The following PRKCA variants were observed in gnomAD, a reference collection of about 807,000 sequenced individuals.
PRKCA encodes protein kinase C alpha type.
A neutral mutation model predicts 87.0 loss-of-function variants in PRKCA; 27 were observed. That is an observed-to-expected ratio of 0.31 (90% CI 0.23 to 0.43). The LOEUF (loss-of-function observed/expected upper bound fraction) is 0.43, where lower values mean the gene tolerates loss of function less well. Ranked by LOEUF, PRKCA falls within the 20% of genes least tolerant of loss-of-function variation. The pLI, the probability that PRKCA is intolerant of heterozygous loss-of-function variation, is 1.00. For missense variants in PRKCA, 518 were observed against 852.3 expected (o/e 0.61, Z 4.88); for synonymous variants, 329 against 311.1 (o/e 1.06, Z -0.61).
chr17:66,413,811 C>T (rs1911958979), intron 2 of PRKCA, among the ~76,000 whole-genome samples: 1 of 151,992 alleles, frequency 6.6e-6, no homozygotes. Context: ...GTCAGGAGTT[C>T]GAGGTCAGCC....
chr17:66,482,098 C>CAAAAA (rs58719328), intron 2 of PRKCA, among the ~76,000 whole-genome samples: 3 of 89,330 alleles, frequency 3.4e-5, no homozygotes, highest in African/African-American at 4.6e-5. Flanking sequence ...AAGACTGTCT[C>CAAAAA]AAAAAAAAAA....
chr17:66,621,983 C>T (rs555281611), intron 3 of PRKCA, among the ~76,000 whole-genome samples: 5 of 152,242 alleles, frequency 3.3e-5, no homozygotes, highest in Non-Finnish European at 7.4e-5. Flanking sequence ...GGGAGGATTG[C>T]TTGAGGCCAG....
intron 3 of PRKCA, among the ~76,000 whole-genome samples, chr17:66,595,907 GACTGCAAAGGCGT>G (rs879379675): frequency 2.6e-5 from 4 of 152,178 alleles, no homozygotes; most frequent in Non-Finnish European, 4.4e-5. Flanking sequence ...ATGTTGTGTT[GACTGCAAAGGCGT>G]ACGGCATCAA....
chr17:66,700,850 T>A (rs759506333), intron 8 of PRKCA, among the ~76,000 whole-genome samples: 1 of 152,178 alleles, frequency 6.6e-6, no homozygotes, highest in Non-Finnish European at 1.5e-5. Context: ...GAATTAATAT[T>A]GTCAAAATGT....
rs1976099849 is a variant in PRKCA at position 66,808,717 on chromosome 17, T to G, written c.*4680T>G. The G allele has an allele frequency of 1.3e-5, 2 of 152,304 alleles. No individual in the cohort carries two copies. Among genetic ancestry groups the G allele is most frequent in the East Asian group, 1.9e-4 (1 of 5,170 alleles). The allele number at this position is 152,304 out of a possible 1,614,324, so 9.4% of individuals were successfully genotyped here. On this transcript the variant is annotated 3_prime_UTR_variant, in exon 17 of 17. Transcript: ENST00000413366. ...TGTTGCGAAATTTTTATTTATTTAT[T>G]TATTTATTTTGAGATGGAGTTTCAC...
chr17:66,777,507 A>G (rs897157696), intron 14 of PRKCA: 1 of 978,946 alleles, frequency 1.0e-6, no homozygotes, highest in Non-Finnish European at 1.2e-6. Flanking sequence ...GTACACAGTC[A>G]CCATCAGTGA....
Position 66,302,915 on chromosome 17 carries a change from C to T in PRKCA, c.64C>T (p.Arg22Cys). The T allele has an allele frequency of 6.2e-7, 1 of 1,612,484 alleles. No homozygotes were observed. The highest frequency in any genetic ancestry group is 8.5e-7 in the Non-Finnish European group (1 of 1,179,228). ...ASQDVANRFA[R>C]KGALRQKNVH... The stretch of plus-strand genomic sequence containing the variant: ...TCAGGACGTGGCCAACCGCTTCGCC[C>T]GCAAAGGGGCGCTGAGGCAGAAGAA... The change falls in exon 1 of 17, where the codon CGC (arginine) becomes TGC (cysteine). Residue 22 changes from arginine (R) to cysteine (C), a missense_variant. By Grantham distance (180) the Arg-to-Cys change is radical (BLOSUM62 -3). Transcript: ENST00000413366.
At chr17:66,635,821 A>C (rs1598833088) in intron 3 of PRKCA, among the ~76,000 whole-genome samples, 1 of 152,174 alleles carries the variant, frequency 6.6e-6, no homozygotes, top group Admixed American at 6.5e-5. Context: ...GTATTGTAGC[A>C]TTGTCCTGGG....
chr17:66,589,627 C>T (rs773841678), intron 3 of PRKCA, among the ~76,000 whole-genome samples: 5 of 152,082 alleles, frequency 3.3e-5, no homozygotes, highest in African/African-American at 1.2e-4. Context: ...CTGATCTCTG[C>T]GACTTTTGTT....
intron 3 of PRKCA, among the ~76,000 whole-genome samples, chr17:66,613,815 T>G (rs1970442943): frequency 9.1e-6 from 1 of 109,790 alleles, no homozygotes; most frequent in Non-Finnish European, 1.7e-5. Context: ...TGAGACAGAG[T>G]CTTGCTCTGT....
chr17:66,777,054 G>T, intron 14 of PRKCA: 1 of 203,130 alleles, frequency 4.9e-6, no homozygotes, highest in Non-Finnish European at 8.7e-6. Flanking sequence ...TCCCTTTATT[G>T]GGAGACTGCC....
intron 3 of PRKCA, among the ~76,000 whole-genome samples, chr17:66,526,942 G>T (rs57425087): frequency 0.25 from 38,649 of 151,990 alleles, 6,087 homozygotes; most frequent in African/African-American, 0.43. Flanking sequence ...TATACCAGGG[G>T]TTGCAAACTA....
At chr17:66,380,244 G>T (rs1215105376) in intron 2 of PRKCA, among the ~76,000 whole-genome samples, 1 of 151,448 alleles carries the variant, frequency 6.6e-6, no homozygotes, top group African/African-American at 2.4e-5. Context: ...TCAACCTTAT[G>T]AGAAACACTT....
At chr17:66,390,972 C>T (rs1056873493) in intron 2 of PRKCA, among the ~76,000 whole-genome samples, 6 of 151,226 alleles carry the variant, frequency 4.0e-5, no homozygotes, top group Non-Finnish European at 8.8e-5. Flanking sequence ...GAAATCAGAC[C>T]CTCCTGAAGA....
chr17:66,446,877 G>T (rs1450437043), intron 2 of PRKCA, among the ~76,000 whole-genome samples: 3 of 152,132 alleles, frequency 2.0e-5, no homozygotes, highest in Non-Finnish European at 4.4e-5. Context: ...TGTGTTGGAG[G>T]GGTCAGGGCA....
chr17:66,530,217 C>T (rs1967492737), intron 3 of PRKCA, among the ~76,000 whole-genome samples: 1 of 152,138 alleles, frequency 6.6e-6, no homozygotes, highest in African/African-American at 2.4e-5. Flanking sequence ...CATTCATGCC[C>T]ATTGAGACAA....
chr17:66,683,048 CA>C (rs1364374412), intron 5 of PRKCA, among the ~76,000 whole-genome samples: 15 of 151,926 alleles, frequency 9.9e-5, no homozygotes, highest in African/African-American at 3.4e-4. Context: ...TCAGTTGAAG[CA>C]GCAAAGACTT....
intron 5 of PRKCA, among the ~76,000 whole-genome samples, chr17:66,686,725 A>G (rs920293185): frequency 1.1e-4 from 17 of 152,118 alleles, no homozygotes; most frequent in African/African-American, 3.4e-4. Context: ...GCTTCCATGC[A>G]GGGAGGGTGC....
chr17:66,331,789 G>A (rs1231188979), intron 2 of PRKCA, among the ~76,000 whole-genome samples: 1 of 152,204 alleles, frequency 6.6e-6, no homozygotes. Flanking sequence ...AAAGTCTTAC[G>A]AGTGTTCTGG....
Sources: allele counts gnomAD v4.1 joint callset (sites outside exome capture counted in the v4.1 genomes callset), GRCh38; gene constraint gnomAD v4.1.1; transcripts MANE v1.5; gene names NCBI Gene and HGNC (gene_info 2026-07-23, HGNC 2026-07-21).